PTPRD: variants seen among roughly 807,000 people sequenced by gnomAD.
PTPRD encodes receptor-type tyrosine-protein phosphatase delta.
PTPRD carries 34 observed loss-of-function variants against 214.5 expected under a neutral mutation model. The observed-to-expected ratio is 0.16, with a 90% CI of 0.12 to 0.21. The LOEUF (loss-of-function observed/expected upper bound fraction) is 0.21. Ranked by LOEUF, PTPRD falls within the 10% of genes least tolerant of loss-of-function variation. The pLI is 1.00. For synonymous variants in PTPRD, 1,128 were observed against 845.7 expected, an observed-to-expected ratio of 1.33 and a Z score of -5.79; for missense variants, 2,545 against 2,398.7, an observed-to-expected ratio of 1.06 and a Z score of -1.27.
At chr9:9,992,780 T>C (rs2095989357) in intron 4 of PTPRD, among the ~76,000 whole-genome samples, 1 of 149,816 alleles carries the variant, frequency 6.7e-6, no homozygotes, top group Non-Finnish European at 1.5e-5. Flanking sequence ...GTGGGGAACA[T>C]CACACACTGG....
At position 10,522,116 on chromosome 9, in the gene PTPRD, G is replaced by A. The variant is rs562333299; in HGVS notation, c.-600+90282C>T. Reference sequence around the variant, plus strand: ...TGAAGGAAAGGTACTGGTGGTACCTGACTTCAAATACCGAAAGGTTTGGTC... The same window carrying A: ...TGAAGGAAAGGTACTGGTGGTACCTAACTTCAAATACCGAAAGGTTTGGTC... On this transcript the variant is annotated intron_variant, in intron 2 of 45. Transcript: ENST00000381196. Among the ~76,000 whole-genome samples the A allele has an allele frequency of 4.8e-4, 73 of 152,236 alleles. 2 individuals carry two copies. The South Asian group carries it at 0.015, about 31-fold the overall frequency.
At chr9:8,426,814 A>C (rs1348356784) in intron 35 of PTPRD, among the ~76,000 whole-genome samples, 3 of 146,474 alleles carry the variant, frequency 2.0e-5, no homozygotes, top group African/African-American at 7.6e-5. Context: ...TTTTTTTTTT[A>C]ATGTGGGTGA....
At chr9:10,173,968 T>C (rs927311219) in intron 3 of PTPRD, among the ~76,000 whole-genome samples, 3 of 152,162 alleles carry the variant, frequency 2.0e-5, no homozygotes, top group Non-Finnish European at 4.4e-5. Context: ...TTTCCTACCA[T>C]GTGCAGAAAT....
At chr9:9,183,857 A>C (rs2099929741) in intron 9 of PTPRD, among the ~76,000 whole-genome samples, 1 of 152,030 alleles carries the variant, frequency 6.6e-6, no homozygotes, top group Non-Finnish European at 1.5e-5. Context: ...TCTGGGACGA[A>C]TTAGCATGGA....
intron 11 of PTPRD, among the ~76,000 whole-genome samples, chr9:8,808,673 T>C (rs1036375023): frequency 6.6e-6 from 1 of 152,040 alleles, no homozygotes; most frequent in Non-Finnish European, 1.5e-5. Flanking sequence ...CTTTTTGACC[T>C]TGTAAATTAT....
At chr9:10,499,365 T>TA (rs1264767849) in intron 2 of PTPRD, among the ~76,000 whole-genome samples, 1 of 151,882 alleles carries the variant, frequency 6.6e-6, no homozygotes, top group Non-Finnish European at 1.5e-5. Flanking sequence ...GATAGATTAT[T>TA]ATTACTAGGG....
At chr9:8,498,947 C>T (rs564081426) in intron 25 of PTPRD, among the ~76,000 whole-genome samples, 3 of 152,114 alleles carry the variant, frequency 2.0e-5, no homozygotes, top group East Asian at 1.9e-4. Context: ...ATTATAAAAC[C>T]GGGTTGTGAT....
intron 9 of PTPRD, among the ~76,000 whole-genome samples, chr9:9,287,920 G>A (rs1465332235): frequency 1.3e-5 from 2 of 151,430 alleles, no homozygotes; most frequent in Non-Finnish European, 2.9e-5. Context: ...TTGAAAGCAT[G>A]ACTTTTTTTT....
chr9:10,135,565 G>A (rs1181987431), intron 3 of PTPRD, among the ~76,000 whole-genome samples: 1 of 151,946 alleles, frequency 6.6e-6, no homozygotes, highest in Non-Finnish European at 1.5e-5. Flanking sequence ...GAAAGATGGG[G>A]GTCTATATTT....
rs542351479 is a variant in PTPRD at position 9,931,655 on chromosome 9, C to T, written c.-368+6852G>A. Among the ~76,000 whole-genome samples the T allele has an allele frequency of 2.7e-3, 409 of 151,312 alleles. 4 individuals are homozygous for T. Among genetic ancestry groups the T allele is most frequent in the Non-Finnish European group, 4.8e-3 (327 of 67,842 alleles). ...GACGGCAACGAGGCTGGGGGAGGGG[C>T]GCCCACCATTGCCCAGGCGTGCTTA... On this transcript the variant is annotated intron_variant, in intron 5 of 45. Transcript: ENST00000381196.
rs779550244 is a variant in PTPRD at position 8,500,864 on chromosome 9, A to T, written c.2018T>A (p.Leu673His). Residue 673 changes from leucine to histidine, a missense_variant, in exon 24 of 46, where the codon CTT (leucine) becomes CAT (histidine). Leu to His is a moderately conservative substitution (Grantham distance 99). Transcript: ENST00000381196. ...LGIPSDTTKY[L>H]LEQLEKWTEY... Reference sequence around the variant, plus strand: ...AGTCCATTTTTCCAGCTGTTCCAAAAGGTATTTGGTAGTGTCCGAAGGAAT... The same window carrying T: ...AGTCCATTTTTCCAGCTGTTCCAAATGGTATTTGGTAGTGTCCGAAGGAAT... 3 of 1,614,062 alleles carry T rather than the reference A, an allele frequency of 1.9e-6. No homozygotes were observed. Among genetic ancestry groups the T allele is most frequent in the Non-Finnish European group, 2.5e-6 (3 of 1,180,022 alleles).
chr9:10,526,095 G>C (rs1468730408), intron 2 of PTPRD, among the ~76,000 whole-genome samples: 1 of 152,084 alleles, frequency 6.6e-6, no homozygotes, highest in African/African-American at 2.4e-5. Flanking sequence ...CATTCCTGCT[G>C]TCATAGAAAG....
At chr9:9,991,832 C>CCACA (rs56267970) in intron 4 of PTPRD, among the ~76,000 whole-genome samples, 17,535 of 147,420 alleles carry the variant, frequency 0.12, 1,274 homozygotes, top group East Asian at 0.38. Flanking sequence ...TTCAACAGCA[C>CCACA]CACACACACA....
intron 12 of PTPRD, 95 bp from the exon 13 acceptor site, chr9:8,636,939 C>G (rs141303595): frequency 8.1e-7 from 1 of 1,227,116 alleles, no homozygotes; most frequent in Non-Finnish European, 1.1e-6. Flanking sequence ...TCAACCACAC[C>G]GCCATCAAGA....
At chr9:10,155,118 T>G (rs2099085235) in intron 3 of PTPRD, among the ~76,000 whole-genome samples, 1 of 152,118 alleles carries the variant, frequency 6.6e-6, no homozygotes, top group African/African-American at 2.4e-5. Flanking sequence ...ATCCCTGATT[T>G]CTTTGAGCAG....
At chr9:10,104,770 T>G (rs748533939) in intron 3 of PTPRD, among the ~76,000 whole-genome samples, 1 of 151,950 alleles carries the variant, frequency 6.6e-6, no homozygotes, top group Non-Finnish European at 1.5e-5. Flanking sequence ...TGTTCAAAAA[T>G]ATTTAAAATC....
intron 2 of PTPRD, among the ~76,000 whole-genome samples, chr9:10,415,236 A>G (rs2098476044): frequency 6.6e-6 from 1 of 151,876 alleles, no homozygotes; most frequent in African/African-American, 2.4e-5. Flanking sequence ...GATTATATAC[A>G]TAATATATAA....
chr9:10,436,704 A>G (rs1240880663), intron 2 of PTPRD, among the ~76,000 whole-genome samples: 1 of 151,742 alleles, frequency 6.6e-6, no homozygotes, highest in Non-Finnish European at 1.5e-5. Context: ...TTATTTAAAC[A>G]TTTATTCTTC....
chr9:9,899,670 C>T (rs1216869149), intron 5 of PTPRD, among the ~76,000 whole-genome samples: 1 of 151,712 alleles, frequency 6.6e-6, no homozygotes, highest in Non-Finnish European at 1.5e-5. Context: ...AATAGAACCA[C>T]CATATAAGCC....
Sources: allele counts gnomAD v4.1 joint callset (sites outside exome capture counted in the v4.1 genomes callset), GRCh38; gene constraint gnomAD v4.1.1; transcripts MANE v1.5; gene names NCBI Gene and HGNC (gene_info 2026-07-23, HGNC 2026-07-21).